Variants in GABBR1 observed in about 807,000 individuals in gnomAD.
GABBR1 encodes GABA-B receptor, R1 subunit.
In GABBR1, 35 loss-of-function variants were observed where a neutral mutation model predicts 117.7. That is an observed-to-expected ratio of 0.30 (90% CI 0.23 to 0.39). The LOEUF (loss-of-function observed/expected upper bound fraction) is 0.39, where lower values mean the gene tolerates loss of function less well. Among genes scored for constraint, GABBR1 ranks in the 10% least tolerant of loss-of-function variants. The probability of loss-of-function intolerance (pLI) is 1.00; values close to 1 mark genes in which losing one functional copy is unlikely to be tolerated. For missense variants in GABBR1, 709 were observed against 1,241.8 expected (o/e 0.57, Z 6.45); for synonymous variants, 442 against 486.6 (o/e 0.91, Z 1.21).
chr6:29,604,726 A>G lies in GABBR1; in HGVS notation c.2569-89T>C. ...AAGGTTGGAGGTGGAAGGAATGCTG[A>G]TAAGAGTTGGGCCCAAAACAAGGGG... On this transcript the variant is annotated intron_variant, in intron 21 of 22. Coordinates refer to ENST00000377034, the MANE Select transcript of GABBR1 (RefSeq NM_001470.4). This position sits in a 1 kb window ranked among gnomAD's most constrained non-coding sequence, Gnocchi z 5.3. The G allele has an allele frequency of 1.9e-6, 3 of 1,601,632 alleles. No individual in the cohort carries two copies. Among genetic ancestry groups the G allele is most frequent in the Non-Finnish European group, 2.6e-6 (3 of 1,171,642 alleles).
intron 22 of GABBR1, 38 bp from the exon 23 acceptor site, chr6:29,603,754 G>A (rs1436182174): frequency 2.1e-6 from 3 of 1,430,258 alleles, no homozygotes; most frequent in Non-Finnish European, 2.7e-6. Context: ...TAGGAGAAGA[G>A]GAGGTGATGA....
chr6:29,603,894 A>G (rs1480783637), intron 22 of GABBR1, among the ~76,000 whole-genome samples, 178 bp from the exon 23 acceptor site: 1 of 152,004 alleles, frequency 6.6e-6, no homozygotes, highest in Non-Finnish European at 1.5e-5. Flanking sequence ...AGAACAAGAA[A>G]AGCCAGAGAA....
chr6:29,624,626 T>G (rs1473342226), intron 6 of GABBR1, among the ~76,000 whole-genome samples: 1 of 151,422 alleles, frequency 6.6e-6, no homozygotes, highest in Non-Finnish European at 1.5e-5. Flanking sequence ...ACAGGTCCAT[T>G]AGAAAAAAAG....
Position 29,603,702 on chromosome 6 carries a change from G to A in GABBR1, c.2727C>T (p.Val909=), listed in dbSNP as rs1761649813. 6.7e-7 allele frequency: 1 copy of A among 1,493,422 alleles called. No individual in the cohort carries two copies. Among genetic ancestry groups the A allele is most frequent in the Non-Finnish European group, 8.9e-7 (1 of 1,124,592 alleles). 92.5% of individuals were successfully genotyped at this position (1,493,422 alleles called of 1,614,324 possible). The part of the protein sequence containing the change: ...EKIIAEKEER[V]SELRHQLQSR... ...ACTGGAGTTGATGGCGCAGTTCAGA[G>A]ACACGCTCCTCTTTCTGGAGGAAGA... Residue 909 remains valine (V), a synonymous_variant, in exon 23 of 23, where the codon GTC becomes GTT. Coordinates refer to ENST00000377034, the MANE Select transcript of GABBR1 (RefSeq NM_001470.4).
intron 11 of GABBR1, among the ~76,000 whole-genome samples, chr6:29,616,873 C>T (rs1291187777): frequency 2.1e-5 from 3 of 139,680 alleles, no homozygotes; most frequent in East Asian, 4.3e-4. Flanking sequence ...AAAGGCTGGG[C>T]GCGGTGGCTC....
Position 29,623,090 on chromosome 6 carries a change from A to G in GABBR1, c.963+215T>C, listed in dbSNP as rs6938190. On this transcript the variant is annotated intron_variant, in intron 8 of 22. Coordinates refer to ENST00000377034, the MANE Select transcript of GABBR1 (RefSeq NM_001470.4). This position sits in a 1 kb window ranked among gnomAD's most constrained non-coding sequence, Gnocchi z 6.2. Reference sequence around the variant, plus strand: ...TGGGGAACAGGGCATCAAACAGGGGAAAAAAATCATAAAATCATAAAGACA... The same window carrying G: ...TGGGGAACAGGGCATCAAACAGGGGGAAAAAATCATAAAATCATAAAGACA... Among the ~76,000 whole-genome samples, 4,907 of 152,180 alleles carry G rather than the reference A, an allele frequency of 0.032. 232 individuals carry two copies. The highest frequency in any genetic ancestry group is 0.1 in the African/African-American group (4,241 of 41,498).
Position 29,605,417 on chromosome 6 carries a change from A to C in GABBR1, c.2439+152T>G. The stretch of plus-strand genomic sequence containing the variant: ...ACAATGTCTGTAGTGAGCTTTGTAA[A>C]CTGTAAAGTGCTTTATAGACCTGAA... On this transcript the variant is annotated intron_variant, in intron 20 of 22. Transcript: ENST00000377034. This position sits in a 1 kb window ranked among gnomAD's most constrained non-coding sequence, Gnocchi z 4.2. The C allele has an allele frequency of 2.3e-6, 2 of 869,770 alleles. No individual in the cohort carries two copies. Among genetic ancestry groups the C allele is most frequent in the Non-Finnish European group, 3.6e-6 (2 of 560,106 alleles). The allele number at this position is 869,770 out of a possible 1,614,324, so 53.9% of individuals were successfully genotyped here.
In GABBR1 at chr6:29,623,584, C is replaced by T; in HGVS notation, c.793-109G>A. ...TGCCTTTGGGTTTCTCTTCCTTACT[C>T]TCTCCAAACCTCCCCACCTCTGGTC... On this transcript the variant is annotated intron_variant, in intron 7 of 22. Coordinates refer to ENST00000377034, the MANE Select transcript of GABBR1 (RefSeq NM_001470.4). This position sits in a 1 kb window ranked among gnomAD's most constrained non-coding sequence, Gnocchi z 6.2. 1 of 1,068,134 alleles carries T rather than the reference C, an allele frequency of 9.4e-7. No individual in the cohort carries two copies. Among genetic ancestry groups the T allele is most frequent in the Non-Finnish European group, 1.3e-6 (1 of 742,492 alleles). The allele number at this position is 1,068,134 out of a possible 1,614,324, so 66.2% of individuals were successfully genotyped here.
rs1471264788 is a variant in GABBR1, at chr6:29,627,185, T to C, written c.657+301A>G. Among the ~76,000 whole-genome samples the C allele has an allele frequency of 6.6e-6, 1 of 152,100 alleles. No individual in the cohort carries two copies. The highest frequency in any genetic ancestry group is 1.5e-5 in the Non-Finnish European group (1 of 68,012). On this transcript the variant is annotated intron_variant, in intron 6 of 22. Coordinates refer to ENST00000377034, the MANE Select transcript of GABBR1 (RefSeq NM_001470.4). This position sits in a 1 kb window ranked among gnomAD's most constrained non-coding sequence, Gnocchi z 4.4. ...CAGAGGATCAGTGTCTCCTAATACC[T>C]TAAATCCACCACCAGTTTCTCCAAA...
rs1765195654 is a variant in GABBR1, at chr6:29,633,137, G to C, written c.-288C>G. 1 of 153,200 alleles carries C rather than the reference G, an allele frequency of 6.5e-6. No homozygotes were observed. The allele number at this position is 153,200 out of a possible 1,614,324, so 9.5% of individuals were successfully genotyped here. A position where few individuals can be genotyped will look rare whatever the true frequency, so the allele number is the denominator to read the frequency against. The stretch of plus-strand genomic sequence containing the variant: ...GGGGACCAGGGAGAGCTCCCGGGCG[G>C]AGGGAAGAAGGAGGGTGCAAGGGAA... On this transcript the variant is annotated 5_prime_UTR_variant, in exon 1 of 23. Transcript: ENST00000377034. The surrounding 1 kb of genome is among the most constrained non-coding windows in gnomAD (Gnocchi z 4.4).
chr6:29,614,437 T>C (rs932598157), intron 11 of GABBR1, among the ~76,000 whole-genome samples: 1 of 152,216 alleles, frequency 6.6e-6, no homozygotes, highest in African/African-American at 2.4e-5. Flanking sequence ...AATAAATAGA[T>C]GAATGAAGAA....
rs377557147 is a variant in GABBR1 at position 29,630,580 on chromosome 6, T to C, written c.353A>G (p.Asp118Gly). ...ENGKVFLTGG[D>G]LPALDGARVD... ...CCGGGCTCCGTCCAGAGCTGGGAGG[T>C]CCCCACCCGTCAGGAAAACCTTCCC... Residue 118 changes from aspartate to glycine, a missense_variant, in exon 4 of 23, where the codon GAC (aspartate) becomes GGC (glycine). Physicochemically the swap from Asp to Gly is moderately conservative, Grantham distance 94. Coordinates refer to ENST00000377034, the MANE Select transcript of GABBR1 (RefSeq NM_001470.4). The surrounding 1 kb of genome is among the most constrained non-coding windows in gnomAD (Gnocchi z 4.9). The C allele has an allele frequency of 1.2e-6, 2 of 1,612,444 alleles. No individual in the cohort carries two copies. The highest frequency in any genetic ancestry group is 1.7e-6 in the Non-Finnish European group (2 of 1,179,922).
At chr6:29,610,532 CA>C (rs1762432581) in intron 14 of GABBR1, among the ~76,000 whole-genome samples, 1 of 152,050 alleles carries the variant, frequency 6.6e-6, no homozygotes, top group African/African-American at 2.4e-5. Context: ...ATAGTTTAAG[CA>C]ACCGTTTTCC....
Position 29,609,444 on chromosome 6 carries a change from G to C in GABBR1, c.1709-65C>G. 7.0e-7 allele frequency: 1 copy of C among 1,431,596 alleles called. No individual in the cohort carries two copies. Among genetic ancestry groups the C allele is most frequent in the Non-Finnish European group, 9.8e-7 (1 of 1,024,088 alleles). The allele number at this position is 1,431,596 out of a possible 1,614,324, so 88.7% of individuals were successfully genotyped here. ...AAGGGAAGGAGGACAAAGGAATGAA[G>C]ACGGGATAGGAGAAAAGGGCAAAGA... On this transcript the variant is annotated intron_variant, in intron 14 of 22. Coordinates refer to ENST00000377034, the MANE Select transcript of GABBR1 (RefSeq NM_001470.4). This position sits in a 1 kb window ranked among gnomAD's most constrained non-coding sequence, Gnocchi z 4.3.
chr6:29,629,329 T>C, intron 4 of GABBR1: 1 of 682,282 alleles, frequency 1.5e-6, no homozygotes, highest in Admixed American at 2.1e-5. Flanking sequence ...GACAACAGAA[T>C]TTGAGACGGG....
In GABBR1 at chr6:29,630,468, G is replaced by A. The variant is rs1304917566; in HGVS notation, c.465C>T (p.Pro155=). ...CSQGQWSTPK[P]HCQVNRTPHS... ...AGCTGTTCCCCTCACCCTGGCAGTG[G>A]GGCTTGGGGGTGCTCCACTGGCCCT... is the stretch of plus-strand genomic sequence containing the variant. The change falls in exon 4 of 23, where the codon CCC becomes CCT. Residue 155 remains proline, a synonymous_variant. Coordinates refer to ENST00000377034, the MANE Select transcript of GABBR1 (RefSeq NM_001470.4). The surrounding 1 kb of genome is among the most constrained non-coding windows in gnomAD (Gnocchi z 4.9). 1 of 1,611,550 alleles carries A rather than the reference G, an allele frequency of 6.2e-7. No individual in the cohort carries two copies. The highest frequency in any genetic ancestry group is 1.1e-5 in the South Asian group (1 of 91,066).
intron 11 of GABBR1, among the ~76,000 whole-genome samples, chr6:29,614,562 C>T (rs1271021875): frequency 2.0e-5 from 3 of 152,212 alleles, no homozygotes; most frequent in Non-Finnish European, 4.4e-5. Flanking sequence ...TGCTACTACA[C>T]TGGGCTTTGA....
rs1021868715 is a variant in GABBR1 at position 29,607,464 on chromosome 6, C to T, written c.1993-246G>A. On this transcript the variant is annotated intron_variant, in intron 16 of 22. Transcript: ENST00000377034. This position sits in a 1 kb window ranked among gnomAD's most constrained non-coding sequence, Gnocchi z 5.0. ...CACCAGGGTGATCTTGCTAAAACCT[C>T]CTGGCTTTAGTGGCCAAAAACCTCC... 3.3e-5 allele frequency among the ~76,000 whole-genome samples: 5 copies of T among 152,134 alleles called. No homozygotes were observed. Among genetic ancestry groups the T allele is most frequent in the African/African-American group, 1.2e-4 (5 of 41,410 alleles).
At position 29,606,293 on chromosome 6, in the gene GABBR1, C is replaced by A; in HGVS notation, c.2311+98G>T. 1 of 827,520 alleles carries A rather than the reference C, an allele frequency of 1.2e-6. No homozygotes were observed. The highest frequency in any genetic ancestry group is 2.1e-6 in the Non-Finnish European group (1 of 474,834). The allele number at this position is 827,520 out of a possible 1,614,324, so 51.3% of individuals were successfully genotyped here. A position where few individuals can be genotyped will look rare whatever the true frequency, so the allele number is the denominator to read the frequency against. On this transcript the variant is annotated intron_variant, in intron 19 of 22. Transcript: ENST00000377034. This position sits in a 1 kb window ranked among gnomAD's most constrained non-coding sequence, Gnocchi z 4.5. ...CAAACTGGGTTGACAAGCTCTCTACCTCCTCTTCCAAAGACCCCTCTCCCT... is the reference window on the plus strand; with the variant it reads ...CAAACTGGGTTGACAAGCTCTCTACATCCTCTTCCAAAGACCCCTCTCCCT...
Sources: allele counts gnomAD v4.1 joint callset (sites outside exome capture counted in the v4.1 genomes callset), GRCh38; gene constraint gnomAD v4.1.1; non-coding constraint Gnocchi (gnomAD v3.1); transcripts MANE v1.5; gene names NCBI Gene and HGNC (gene_info 2026-07-23, HGNC 2026-07-21).